The following ELFN1 variants were observed in gnomAD, a reference collection of about 807,000 sequenced individuals.
ELFN1 encodes extracellular leucine rich repeat and fibronectin type III domain containing 1.
A neutral mutation model predicts 7.6 loss-of-function variants in ELFN1; 6 were observed. That is an observed-to-expected ratio of 0.79 (90% CI 0.43 to 1.56). The LOEUF (loss-of-function observed/expected upper bound fraction) is 1.56. Among genes scored for constraint, ELFN1 ranks in the 40% most tolerant of loss-of-function variants. The pLI is 0.01. For synonymous variants in ELFN1, 657 were observed against 588.1 expected, an observed-to-expected ratio of 1.12 and a Z score of -1.70; for missense variants, 1,169 against 1,232.2, an observed-to-expected ratio of 0.95 and a Z score of 0.77.
Position 1,689,734 on chromosome 7 carries a change from C to T in ELFN1, c.-456+1584C>T, listed in dbSNP as rs375834237. ...GCCCAGTTTGAAGCCTCTGCAATCA[C>T]GTGCCCATTACAGGTGGCGAGTGCT... On this transcript the variant is annotated intron_variant, in intron 2 of 3. Coordinates refer to ENST00000424383, the MANE Select transcript of ELFN1 (RefSeq NM_001128636.4). Among the ~76,000 whole-genome samples the T allele has an allele frequency of 5.9e-5, 9 of 152,334 alleles. 1 individual carries two copies. In the South Asian group the frequency reaches 1.0e-3, roughly 18 times the overall value.
At chr7:1,668,966 T>C (rs1405990591), upstream of ELFN1, among the ~76,000 whole-genome samples, 1 of 152,156 alleles carries the variant, frequency 6.6e-6, no homozygotes, top group East Asian at 1.9e-4. Context: ...TGCACCCCTA[T>C]CACGGGAGCC....
At chr7:1,713,196 A>G (rs1779715842) in intron 3 of ELFN1, among the ~76,000 whole-genome samples, 1 of 152,166 alleles carries the variant, frequency 6.6e-6, no homozygotes, top group South Asian at 2.1e-4. Flanking sequence ...CTTCAGCCCC[A>G]GGCTGCAGAC....
chr7:1,699,638 C>CATAA (rs913414468), intron 2 of ELFN1, among the ~76,000 whole-genome samples: 12 of 152,128 alleles, frequency 7.9e-5, no homozygotes, highest in African/African-American at 2.4e-4. Context: ...AAGACTCCAT[C>CATAA]ATAAATAAAT....
chr7:1,708,294 G>T (rs1212319956), intron 2 of ELFN1, among the ~76,000 whole-genome samples: 1 of 152,254 alleles, frequency 6.6e-6, no homozygotes, highest in East Asian at 1.9e-4. Context: ...CTGGTGAAAT[G>T]AGATGAGGCC....
chr7:1,690,161 G>A (rs546074558), intron 2 of ELFN1, among the ~76,000 whole-genome samples: 2 of 152,004 alleles, frequency 1.3e-5, no homozygotes, highest in African/African-American at 2.4e-5. Context: ...GGATAGGTGA[G>A]TGGATGGATG....
intron 1 of ELFN1, among the ~76,000 whole-genome samples, chr7:1,680,538 C>T (rs930981146): frequency 2.0e-5 from 3 of 152,134 alleles, no homozygotes; most frequent in East Asian, 1.9e-4. Context: ...GCATCCTGTG[C>T]GCCGACACCG....
In ELFN1 at chr7:1,745,519, C is replaced by T. The variant is rs781451406; in HGVS notation, c.923C>T (p.Thr308Met). The T allele has an allele frequency of 5.2e-6, 8 of 1,546,212 alleles. No individual in the cohort carries two copies. Among genetic ancestry groups the T allele is most frequent in the African/African-American group, 2.7e-5 (2 of 73,166 alleles). The part of the protein sequence containing the change: ...DGTTPLVALP[T>M]LATQAEARPL... ...ACCACGCCACTGGTGGCCCTGCCCACGCTGGCCACGCAGGCCGAGGCCCGC... is the reference window on the plus strand; with the variant it reads ...ACCACGCCACTGGTGGCCCTGCCCATGCTGGCCACGCAGGCCGAGGCCCGC... The change falls in exon 4 of 4, where the codon ACG (threonine) becomes ATG (methionine). Residue 308 changes from threonine (T) to methionine (M), a missense_variant. Thr to Met is a moderately conservative substitution (Grantham distance 81, BLOSUM62 -1). Coordinates refer to ENST00000424383, the MANE Select transcript of ELFN1 (RefSeq NM_001128636.4).
At position 1,695,710 on chromosome 7, in the gene ELFN1, T is replaced by C. The variant is rs1779287973; in HGVS notation, c.-456+7560T>C. 7.7e-6 allele frequency among the ~76,000 whole-genome samples: 1 copy of C among 130,022 alleles called. No individual in the cohort carries two copies. Among genetic ancestry groups the C allele is most frequent in the Admixed American group, 9.4e-5 (1 of 10,636 alleles). The allele number at this position is 130,022 out of a possible 152,430, so 85.3% of individuals were successfully genotyped here. A position where few individuals can be genotyped will look rare whatever the true frequency, so the allele number is the denominator to read the frequency against. On this transcript the variant is annotated intron_variant, in intron 2 of 3. Transcript: ENST00000424383. This position sits in a 1 kb window ranked among gnomAD's most constrained non-coding sequence, Gnocchi z 5.1. ...TTGCAGTGAGCCGAGATCGCGCCACTGCACTGCAGCCTGGGTGACAGAGCG... is the reference window on the plus strand; with the variant it reads ...TTGCAGTGAGCCGAGATCGCGCCACCGCACTGCAGCCTGGGTGACAGAGCG...
chr7:1,742,987 T>C (rs2128604728), intron 3 of ELFN1, among the ~76,000 whole-genome samples: 1 of 152,280 alleles, frequency 6.6e-6, no homozygotes, highest in East Asian at 1.9e-4. Context: ...AATCCACATA[T>C]TAACAAGCAA....
At chr7:1,733,173 T>C (rs1780359583) in intron 3 of ELFN1, among the ~76,000 whole-genome samples, 1 of 152,090 alleles carries the variant, frequency 6.6e-6, no homozygotes, top group Non-Finnish European at 1.5e-5. Flanking sequence ...AATGCTGAGA[T>C]TATAGGTGTG....
rs1583301487 is a variant in ELFN1, at chr7:1,670,437, C to T, written c.-549+83C>T. On this transcript the variant is annotated intron_variant, in intron 1 of 3. Transcript: ENST00000424383. The surrounding 1 kb of genome is among the most constrained non-coding windows in gnomAD (Gnocchi z 6.4). ...CCGGGGAGCGGCGCGGCCAAGCCCC[C>T]CGCCACCTCGAACCCCGGGCGTCCC... Among the ~76,000 whole-genome samples, 1 of 151,698 alleles carries T rather than the reference C, an allele frequency of 6.6e-6. No individual in the cohort carries two copies. The highest frequency in any genetic ancestry group is 2.0e-4 in the East Asian group (1 of 5,078).
chr7:1,706,139 A>G (rs777836355), intron 2 of ELFN1, among the ~76,000 whole-genome samples: 5 of 152,202 alleles, frequency 3.3e-5, no homozygotes, highest in Non-Finnish European at 7.3e-5. Context: ...AAAACTCAGC[A>G]GCTGGCTGGG....
intron 1 of ELFN1, among the ~76,000 whole-genome samples, chr7:1,677,620 A>G (rs1284283511): frequency 1.3e-5 from 2 of 151,164 alleles, no homozygotes; most frequent in Non-Finnish European, 3.0e-5. Flanking sequence ...GTCTGCGTGA[A>G]TAGAGGTGTG....
At chr7:1,713,288 G>A (rs1236893496) in intron 3 of ELFN1, among the ~76,000 whole-genome samples, 2 of 152,228 alleles carry the variant, frequency 1.3e-5, no homozygotes, top group Admixed American at 1.3e-4. Flanking sequence ...ACGCTTCCCA[G>A]CCCGGCCCAC....
Position 1,705,942 on chromosome 7 carries a change from C to T in ELFN1, c.-455-3149C>T, listed in dbSNP as rs556885290. Among the ~76,000 whole-genome samples the T allele has an allele frequency of 3.8e-4, 58 of 152,338 alleles. No homozygotes were observed. The highest frequency in any genetic ancestry group is 2.5e-3 in the South Asian group (12 of 4,826). The stretch of plus-strand genomic sequence containing the variant: ...CAGACGAGATTGAACTGTGAGCCTT[C>T]ACCCTGACAAAGGGATGGTCACGAT... On this transcript the variant is annotated intron_variant, in intron 2 of 3. Coordinates refer to ENST00000424383, the MANE Select transcript of ELFN1 (RefSeq NM_001128636.4). The surrounding 1 kb of genome is among the most constrained non-coding windows in gnomAD (Gnocchi z 4.3).
Position 1,745,696 on chromosome 7 carries a change from G to C in ELFN1, c.1100G>C (p.Arg367Pro). ...SRLTKAQEEI[R>P]LTNLFTLTNY... ...CTGACCAAGGCCCAGGAGGAGATCC[G>C]TCTGACCAACCTGTTCACGCTCACC... The change falls in exon 4 of 4, where the codon CGT becomes CCT. Residue 367 changes from arginine (R) to proline (P), a missense_variant. By Grantham distance (103) the Arg-to-Pro change is moderately radical. This residue lies in a region of ELFN1 where 914 missense variants were observed against 872.6 expected (regional missense o/e 1.05). Coordinates refer to ENST00000424383, the MANE Select transcript of ELFN1 (RefSeq NM_001128636.4). 1 of 1,551,394 alleles carries C rather than the reference G, an allele frequency of 6.4e-7. No homozygotes were observed. The highest frequency in any genetic ancestry group is 1.2e-5 in the South Asian group (1 of 84,060).
intron 2 of ELFN1, among the ~76,000 whole-genome samples, chr7:1,688,362 A>G (rs1779096799): frequency 6.6e-6 from 1 of 152,116 alleles, no homozygotes; most frequent in African/African-American, 2.4e-5. Context: ...GTTCTCCTCC[A>G]TGGTTAGCAC....
chr7:1,708,772 G>A (rs1779590046), intron 2 of ELFN1, among the ~76,000 whole-genome samples: 1 of 152,158 alleles, frequency 6.6e-6, no homozygotes. Flanking sequence ...CCACCGCCAA[G>A]TGACTAGAGC....
chr7:1,699,088 T>C (rs1021279750), intron 2 of ELFN1, among the ~76,000 whole-genome samples: 1 of 152,240 alleles, frequency 6.6e-6, no homozygotes, highest in Non-Finnish European at 1.5e-5. Flanking sequence ...ACCTGCGAAA[T>C]TCATTCATCC....
Sources: gnomAD v4.1 joint callset for allele counts (sites outside exome capture counted in the v4.1 genomes callset) on GRCh38, gnomAD v4.1.1 for gene constraint, gnomAD v4.1.1 regional missense constraint, Gnocchi (gnomAD v3.1) non-coding constraint, MANE v1.5 for transcripts, NCBI Gene and HGNC (gene_info 2026-07-23, HGNC 2026-07-21) for gene names.